Variants in RBMS3 observed in about 807,000 individuals in gnomAD.
RBMS3 encodes RNA binding motif single stranded interacting protein 3.
RBMS3 carries 27 observed loss-of-function variants against 66.8 expected under a neutral mutation model. That is an observed-to-expected ratio of 0.40 (90% CI 0.30 to 0.56). The LOEUF is 0.56. Ranked by LOEUF, RBMS3 falls within the 20% of genes least tolerant of loss-of-function variation. The pLI is 0.40. For synonymous variants in RBMS3, 188 were observed against 183.0 expected (o/e 1.03, Z -0.22); for missense variants, 513 against 549.5 (o/e 0.93, Z 0.66).
At chr3:29,991,362 T>C in intron 14 of RBMS3, 153 bp downstream of exon 14, 1 of 1,325,596 alleles carries the variant, frequency 7.5e-7, no homozygotes. Flanking sequence ...GGTTTGAAAT[T>C]TGGGCTAACT....
intron 7 of RBMS3, among the ~76,000 whole-genome samples, chr3:29,873,197 A>T (rs1367896164): frequency 2.6e-5 from 4 of 152,078 alleles, no homozygotes; most frequent in African/African-American, 9.7e-5. Flanking sequence ...CATTTTAATG[A>T]TATTGAGTCT....
At chr3:29,462,878 C>T (rs1424466326) in intron 2 of RBMS3, among the ~76,000 whole-genome samples, 1 of 152,098 alleles carries the variant, frequency 6.6e-6, no homozygotes, top group African/African-American at 2.4e-5. Flanking sequence ...TTTCAGATAG[C>T]TTCAGTTTTT....
intron 1 of RBMS3, among the ~76,000 whole-genome samples, chr3:29,430,986 A>T (rs1269540278): frequency 6.6e-6 from 1 of 152,170 alleles, no homozygotes; most frequent in African/African-American, 2.4e-5. Flanking sequence ...TGTACTGAAC[A>T]CCTACTGTGT....
intron 14 of RBMS3, among the ~76,000 whole-genome samples, chr3:30,000,019 C>G (rs1699510913): frequency 6.6e-6 from 1 of 151,720 alleles, no homozygotes; most frequent in Non-Finnish European, 1.5e-5. Flanking sequence ...AAAGCAACAG[C>G]AAAAAGAAGC....
chr3:29,996,021 C>A (rs955395377), intron 14 of RBMS3, among the ~76,000 whole-genome samples: 1 of 152,056 alleles, frequency 6.6e-6, no homozygotes, highest in Non-Finnish European at 1.5e-5. Context: ...TTCAGGAAAC[C>A]CATCTCACTT....
chr3:29,520,868 T>A (rs2044829032), intron 3 of RBMS3, among the ~76,000 whole-genome samples: 1 of 152,108 alleles, frequency 6.6e-6, no homozygotes. Flanking sequence ...TTGGAAGGAA[T>A]CTCAATGAAA....
At chr3:29,759,578 A>G (rs2149378141) in intron 5 of RBMS3, among the ~76,000 whole-genome samples, 1 of 152,258 alleles carries the variant, frequency 6.6e-6, no homozygotes, top group South Asian at 2.1e-4. Context: ...TGATAATGCT[A>G]GTGTCAGTTT....
At chr3:30,002,839 G>A (rs754202608) in intron 14 of RBMS3, among the ~76,000 whole-genome samples, 3 of 151,848 alleles carry the variant, frequency 2.0e-5, no homozygotes, top group Non-Finnish European at 4.4e-5. Context: ...CTGTGAATTG[G>A]GGTTACAGCT....
intron 4 of RBMS3, among the ~76,000 whole-genome samples, chr3:29,704,813 T>C (rs7636312): frequency 0.13 from 19,439 of 152,234 alleles, 2,699 homozygotes; most frequent in African/African-American, 0.35. Context: ...GGAAAAAATG[T>C]TATTGAACTT....
intron 1 of RBMS3, among the ~76,000 whole-genome samples, chr3:29,313,450 T>C (rs140745039): frequency 6.6e-6 from 1 of 151,856 alleles, no homozygotes; most frequent in African/African-American, 2.4e-5. Flanking sequence ...ATATTGCTTT[T>C]CCAAATTCCA....
In RBMS3 at chr3:29,349,544, G is replaced by A. The variant is rs1488879202; in HGVS notation, c.75+67788G>A. Reference sequence around the variant, plus strand: ...AAGCTCCTCTGTCTTAACTTGAGAAGCAAGCACAGAATAACTTTCTCCAAA... The same window carrying A: ...AAGCTCCTCTGTCTTAACTTGAGAAACAAGCACAGAATAACTTTCTCCAAA... On this transcript the variant is annotated intron_variant, in intron 1 of 14. Coordinates refer to ENST00000383767, the MANE Select transcript of RBMS3 (RefSeq NM_001003793.3). 3.3e-5 allele frequency among the ~76,000 whole-genome samples: 5 copies of A among 152,214 alleles called. No individual in the cohort carries two copies. The East Asian group carries it at 9.6e-4, about 29-fold the overall frequency.
rs139165771 is a variant in RBMS3 at position 29,900,061 on chromosome 3, C to T, written c.939+306C>T. Among the ~76,000 whole-genome samples the T allele has an allele frequency of 3.6e-3, 546 of 151,746 alleles. 2 individuals carry two copies. Among genetic ancestry groups the T allele is most frequent in the African/African-American group, 0.012 (492 of 41,480 alleles). On this transcript the variant is annotated intron_variant, in intron 10 of 14. Transcript: ENST00000383767. ...AATCAACCATTCAAGCTGAGTCTAC[C>T]ATTTCTTATGCATGAGGAATTTCTG...
intron 3 of RBMS3, among the ~76,000 whole-genome samples, chr3:29,561,636 A>C (rs2046559372): frequency 6.6e-6 from 1 of 152,094 alleles, no homozygotes; most frequent in Admixed American, 6.6e-5. Flanking sequence ...TATTTTTAGT[A>C]GAGATGGGGT....
chr3:29,991,831 T>G (rs1698895149), intron 14 of RBMS3: 1 of 152,236 alleles, frequency 6.6e-6, no homozygotes, highest in Non-Finnish European at 1.5e-5. Flanking sequence ...AGGGTTACTT[T>G]GAATACACAG....
intron 1 of RBMS3, among the ~76,000 whole-genome samples, chr3:29,357,564 A>G (rs1335052556): frequency 6.6e-6 from 1 of 152,212 alleles, no homozygotes; most frequent in Non-Finnish European, 1.5e-5. Flanking sequence ...GTATATACCC[A>G]GTAATGGGAT....
Position 30,004,368 on chromosome 3 carries a change from G to A in RBMS3, c.*506G>A, listed in dbSNP as rs776726026. On this transcript the variant is annotated 3_prime_UTR_variant, in exon 15 of 15. Transcript: ENST00000383767. ...TTTTTTCTTAGAAATATGTAGGTAAGGTTTATCTTGAATCTTAATTGCCTT... is the reference window on the plus strand; with the variant it reads ...TTTTTTCTTAGAAATATGTAGGTAAAGTTTATCTTGAATCTTAATTGCCTT... 1 of 151,812 alleles carries A rather than the reference G, an allele frequency of 6.6e-6. No homozygotes were observed. The highest frequency in any genetic ancestry group is 1.5e-5 in the Non-Finnish European group (1 of 67,744). 9.4% of individuals were successfully genotyped at this position (151,812 alleles called of 1,614,324 possible). A position where few individuals can be genotyped will look rare whatever the true frequency, so the allele number is the denominator to read the frequency against.
At chr3:29,624,338 A>T (rs2048979156) in intron 4 of RBMS3, among the ~76,000 whole-genome samples, 1 of 152,214 alleles carries the variant, frequency 6.6e-6, no homozygotes, top group South Asian at 2.1e-4. Context: ...GAAATTTATA[A>T]AGCAACAGTT....
chr3:29,989,378 CCTT>C (rs1322753624), intron 13 of RBMS3, among the ~76,000 whole-genome samples: 2 of 152,044 alleles, frequency 1.3e-5, no homozygotes, highest in Admixed American at 1.3e-4. Context: ...GTTTTATTGC[CCTT>C]CTTTCCCCTC....
intron 3 of RBMS3, among the ~76,000 whole-genome samples, chr3:29,546,526 AAC>A: frequency 6.6e-6 from 1 of 152,340 alleles, no homozygotes; most frequent in East Asian, 1.9e-4. Flanking sequence ...ACCTAAAACA[AAC>A]AAACAAAAAC....
Sources: gnomAD v4.1 joint callset for allele counts (sites outside exome capture counted in the v4.1 genomes callset) on GRCh38, gnomAD v4.1.1 for gene constraint, MANE v1.5 for transcripts, NCBI Gene and HGNC (gene_info 2026-07-23, HGNC 2026-07-21) for gene names.